Variants in KDM1A observed in about 807,000 individuals in gnomAD.
KDM1A encodes the protein lysine-specific histone demethylase 1A.
KDM1A carries 49 observed loss-of-function variants against 109.4 expected under a neutral mutation model. That is an observed-to-expected ratio of 0.45 (90% CI 0.36 to 0.57). The LOEUF (loss-of-function observed/expected upper bound fraction) is 0.57. KDM1A is among the 20% of genes least tolerant of loss of function. The probability of loss-of-function intolerance (pLI) is 0.00; values close to 1 mark genes in which losing one functional copy is unlikely to be tolerated. For missense variants in KDM1A, 668 were observed against 1,116.6 expected, an observed-to-expected ratio of 0.60 and a Z score of 5.73; for synonymous variants, 380 against 415.4, an observed-to-expected ratio of 0.91 and a Z score of 1.04.
intron 18 of KDM1A, among the ~76,000 whole-genome samples, chr1:23,080,618 C>T (rs115367589): frequency 6.6e-6 from 1 of 152,150 alleles, no homozygotes; most frequent in Non-Finnish European, 1.5e-5. Context: ...CAGGCACATT[C>T]GGCTGTTCTC....
chr1:23,075,570 CA>C (rs55931513), intron 15 of KDM1A, among the ~76,000 whole-genome samples: 108,356 of 139,064 alleles, frequency 0.78, 41,733 homozygotes, highest in Non-Finnish European at 0.83. Context: ...GACTCCATCT[CA>C]AAAAAAAAAA....
chr1:23,042,517 A>G (rs1642377216), intron 2 of KDM1A, among the ~76,000 whole-genome samples: 5 of 112,668 alleles, frequency 4.4e-5, no homozygotes, highest in African/African-American at 3.4e-5. Context: ...CAGTGGCGGG[A>G]TCTCGGCTCA....
At chr1:23,040,917 A>C (rs185256640) in intron 2 of KDM1A, among the ~76,000 whole-genome samples, 14 of 152,334 alleles carry the variant, frequency 9.2e-5, no homozygotes, top group African/African-American at 3.4e-4. Context: ...GTGATATTAC[A>C]AAGTTGCTTT....
In KDM1A at chr1:23,079,530, C is replaced by T. The variant is rs765690702; in HGVS notation, c.2056-23C>T. ...TATTATCTGGCCCCTGTCACTGGCTCATGTGCTTCTTTCTTATGGTAGGTG... is the reference window on the plus strand; with the variant it reads ...TATTATCTGGCCCCTGTCACTGGCTTATGTGCTTCTTTCTTATGGTAGGTG... On this transcript the variant is annotated intron_variant, in intron 17 of 20. Transcript: ENST00000400181. This position sits in a 1 kb window ranked among gnomAD's most constrained non-coding sequence, Gnocchi z 5.6. The T allele has an allele frequency of 6.3e-7, 1 of 1,583,112 alleles. No individual in the cohort carries two copies. Among genetic ancestry groups the T allele is most frequent in the Admixed American group, 1.7e-5 (1 of 58,792 alleles).
At chr1:23,063,196 T>TTG (rs1643050080) in intron 9 of KDM1A, among the ~76,000 whole-genome samples, 1 of 39,378 alleles carries the variant, frequency 2.5e-5, no homozygotes, top group South Asian at 7.5e-4. Flanking sequence ...GCTGTAGCAT[T>TTG]GGGGGGGGGG....
At chr1:23,057,279 T>C (rs1197463792) in intron 7 of KDM1A, among the ~76,000 whole-genome samples, 1 of 152,252 alleles carries the variant, frequency 6.6e-6, no homozygotes, top group Non-Finnish European at 1.5e-5. Context: ...TTTAATTATA[T>C]GTCATTTGTT....
chr1:23,037,079 C>A (rs1182372869), intron 2 of KDM1A, among the ~76,000 whole-genome samples: 2 of 151,664 alleles, frequency 1.3e-5, no homozygotes, highest in Non-Finnish European at 1.5e-5. Context: ...GAGTTTGAGA[C>A]CAGCCCAGCC....
intron 2 of KDM1A, among the ~76,000 whole-genome samples, chr1:23,039,317 G>A (rs1383309015): frequency 6.6e-6 from 1 of 152,030 alleles, no homozygotes; most frequent in African/African-American, 2.4e-5. Flanking sequence ...ATCTTACTGT[G>A]CAGTCTTTTT....
In KDM1A at chr1:23,032,507, G is replaced by T. The variant is rs540379045; in HGVS notation, c.517+1873G>T. Among the ~76,000 whole-genome samples the T allele has an allele frequency of 8.6e-4, 56 of 64,986 alleles. No individual in the cohort carries two copies. The South Asian group carries it at 0.023, about 27-fold the overall frequency. The allele number at this position is 64,986 out of a possible 152,430, so 42.6% of individuals were successfully genotyped here. A position where few individuals can be genotyped will look rare whatever the true frequency, so the allele number is the denominator to read the frequency against. ...TTTAGTTTAAGTTATCTTTGTTTTT[G>T]GGGGGACGTTAAAATTTTAAGTTGA... On this transcript the variant is annotated intron_variant, in intron 2 of 20. Coordinates refer to ENST00000400181, the MANE Select transcript of KDM1A (RefSeq NM_001009999.3).
intron 9 of KDM1A, among the ~76,000 whole-genome samples, chr1:23,064,732 C>T (rs1320329942): frequency 6.6e-6 from 1 of 152,220 alleles, no homozygotes; most frequent in East Asian, 1.9e-4. Flanking sequence ...GGGCGAGACA[C>T]ACAGGCTTCC....
At chr1:23,043,139 C>T (rs569817189) in intron 2 of KDM1A, among the ~76,000 whole-genome samples, 2 of 152,242 alleles carry the variant, frequency 1.3e-5, no homozygotes, top group South Asian at 4.1e-4. Flanking sequence ...AATGTAGGAC[C>T]TATATTTTCA....
rs758961502 is a variant in KDM1A, at chr1:23,028,252, G to A, written c.352-2217G>A. ...CACCCTTGGCCTCCTGGGCATAAGC[G>A]GTCCTCCTGCCTTGGCATCTGCCTG... is the stretch of plus-strand genomic sequence containing the variant. On this transcript the variant is annotated intron_variant, in intron 1 of 20. Coordinates refer to ENST00000400181, the MANE Select transcript of KDM1A (RefSeq NM_001009999.3). 1.1e-4 allele frequency among the ~76,000 whole-genome samples: 17 copies of A among 152,232 alleles called. No homozygotes were observed. In the Middle Eastern group the frequency reaches 0.01, roughly 91 times the overall value.
At chr1:23,042,588 G>T (rs1642379978) in intron 2 of KDM1A, among the ~76,000 whole-genome samples, 4 of 148,444 alleles carry the variant, frequency 2.7e-5, no homozygotes. Flanking sequence ...AAGTAGCTGG[G>T]ACTACAGGCG....
chr1:23,076,791 GTC>G (rs3972658), intron 15 of KDM1A, among the ~76,000 whole-genome samples: 1,915 of 152,018 alleles, frequency 0.013, 52 homozygotes, highest in African/African-American at 0.044. Flanking sequence ...GTGAAACCCC[GTC>G]TCTACTAAAA....
At chr1:23,080,725 C>A (rs487001) in intron 18 of KDM1A, 3,313 of 152,332 alleles carry the variant, frequency 0.022, 124 homozygotes, top group African/African-American at 0.074. Context: ...CCCTCGACCC[C>A]CTTCCTTCCC....
intron 4 of KDM1A, among the ~76,000 whole-genome samples, chr1:23,051,714 G>A (rs1224403069): frequency 6.6e-6 from 1 of 152,154 alleles, no homozygotes; most frequent in African/African-American, 2.4e-5. Flanking sequence ...GTGGTACAAC[G>A]CAGAAGAAAT....
intron 3 of KDM1A, among the ~76,000 whole-genome samples, chr1:23,047,383 GT>G (rs1314630428): frequency 6.6e-6 from 1 of 152,122 alleles, no homozygotes; most frequent in Non-Finnish European, 1.5e-5. Context: ...AGAATAGCTA[GT>G]TTTCTTAGAT....
At chr1:23,031,061 TTC>T (rs1184336459) in intron 2 of KDM1A, among the ~76,000 whole-genome samples, 1 of 152,244 alleles carries the variant, frequency 6.6e-6, no homozygotes, top group Non-Finnish European at 1.5e-5. Context: ...GTTAGATACT[TTC>T]TGATAAAACT....
rs1287034202 is a variant in KDM1A, at chr1:23,019,634, C to G, written c.38C>G (p.Ala13Gly). The G allele has an allele frequency of 7.1e-7, 1 of 1,413,524 alleles. No individual in the cohort carries two copies. Among genetic ancestry groups the G allele is most frequent in the Non-Finnish European group, 9.2e-7 (1 of 1,091,276 alleles). 87.6% of individuals were successfully genotyped at this position (1,413,524 alleles called of 1,614,324 possible). Residue 13 changes from alanine to glycine, a missense_variant, in exon 1 of 21, where the codon GCG becomes GGG. Coordinates refer to ENST00000400181, the MANE Select transcript of KDM1A (RefSeq NM_001009999.3). ...SGKKAAAAAA[A>G]AAAAATGTEA... The stretch of plus-strand genomic sequence containing the variant: ...AAGAAGGCGGCAGCCGCGGCGGCGG[C>G]GGCTGCAGCGGCAGCAACCGGGACG...
Sources: gnomAD v4.1 joint callset for allele counts (sites outside exome capture counted in the v4.1 genomes callset) on GRCh38, gnomAD v4.1.1 for gene constraint, Gnocchi (gnomAD v3.1) non-coding constraint, MANE v1.5 for transcripts, NCBI Gene and HGNC (gene_info 2026-07-23, HGNC 2026-07-21) for gene names.